OR2AJ1: variants seen among roughly 807,000 people sequenced by gnomAD.
OR2AJ1 encodes the protein olfactory receptor family 2 subfamily AJ member 1, also known as olfactory receptor 2AJ1.
For synonymous variants in OR2AJ1, 105 were observed against 60.3 expected (o/e 1.74, Z -3.44); for missense variants, 280 against 163.2 (o/e 1.72, Z -3.90).
chr1:247,925,836 A>G (rs1177053801), intron 1 of OR2AJ1, among the ~76,000 whole-genome samples: 1 of 152,238 alleles, frequency 6.6e-6, no homozygotes, highest in East Asian at 1.9e-4. Context: ...TTCCGCCAAT[A>G]TAAAATCTAA....
At chr1:247,925,767 A>G (rs1041626751) in intron 1 of OR2AJ1, among the ~76,000 whole-genome samples, 1 of 152,208 alleles carries the variant, frequency 6.6e-6, no homozygotes, top group African/African-American at 2.4e-5. Context: ...TTTCTATCCT[A>G]TAAAAGCGGG....
chr1:247,928,449 AG>A (rs1171758444), intron 1 of OR2AJ1, among the ~76,000 whole-genome samples: 6 of 152,090 alleles, frequency 3.9e-5, no homozygotes, highest in Non-Finnish European at 7.3e-5. Context: ...TCAATTTTGC[AG>A]GGTGTTTTTT....
At position 247,934,523 on chromosome 1, in the gene OR2AJ1, A is replaced by G; in HGVS notation, c.755A>G (p.Tyr252Cys). ...CACATGATTGTGGTCACGATGTACT[A>G]TGGGCCATTTATTTTTACATATATG... ...SFHMIVVTMY[Y>C]GPFIFTYMRP... Residue 252 changes from tyrosine to cysteine, a missense_variant, in exon 2 of 2, where the codon TAT becomes TGT. Coordinates refer to ENST00000318244, the MANE Select transcript of OR2AJ1 (RefSeq NM_001355235.2). 1 of 717,484 alleles carries G rather than the reference A, an allele frequency of 1.4e-6. No homozygotes were observed. The highest frequency in any genetic ancestry group is 2.6e-6 in the Non-Finnish European group (1 of 385,080). The allele number at this position is 717,484 out of a possible 1,614,324, so 44.4% of individuals were successfully genotyped here.
chr1:247,927,482 C>G (rs1660104696), intron 1 of OR2AJ1, among the ~76,000 whole-genome samples: 1 of 41,678 alleles, frequency 2.4e-5, no homozygotes, highest in African/African-American at 6.1e-5. Flanking sequence ...TATTAATCAC[C>G]TTAAACATTT....
chr1:247,932,359 C>A (rs2103006658), intron 1 of OR2AJ1, among the ~76,000 whole-genome samples: 1 of 152,124 alleles, frequency 6.6e-6, no homozygotes, highest in Admixed American at 6.6e-5. Flanking sequence ...CAAAACAAAA[C>A]AACAACATAA....
intron 1 of OR2AJ1, among the ~76,000 whole-genome samples, chr1:247,932,846 T>C (rs1355965082): frequency 1.3e-5 from 2 of 152,144 alleles, no homozygotes; most frequent in Non-Finnish European, 2.9e-5. Flanking sequence ...ACTATCAAAA[T>C]ATAAATAAAT....
chr1:247,931,139 T>C (rs1425985861), intron 1 of OR2AJ1, among the ~76,000 whole-genome samples: 1 of 152,174 alleles, frequency 6.6e-6, no homozygotes, highest in Non-Finnish European at 1.5e-5. Context: ...GAGGAGAGCA[T>C]GTTCTCTGAT....
chr1:247,930,392 G>A (rs543421549), intron 1 of OR2AJ1, among the ~76,000 whole-genome samples: 1 of 152,062 alleles, frequency 6.6e-6, no homozygotes, highest in Admixed American at 6.5e-5. Flanking sequence ...ATGAATATGT[G>A]GTGTGTTTTA....
intron 1 of OR2AJ1, among the ~76,000 whole-genome samples, chr1:247,932,388 T>A (rs1430526360): frequency 6.6e-6 from 1 of 152,136 alleles, no homozygotes; most frequent in Non-Finnish European, 1.5e-5. Context: ...CAGGACTAAT[T>A]ACACATACAT....
rs192688497 is a variant in OR2AJ1, at chr1:247,930,906, C to G, written c.-22-2841C>G. On this transcript the variant is annotated intron_variant, in intron 1 of 1. Transcript: ENST00000318244. Reference sequence around the variant, plus strand: ...CTGGTGTCACTCTATATTTCTTTCTCTATAATCATGACCTGCGTTTCTTCA... The same window carrying G: ...CTGGTGTCACTCTATATTTCTTTCTGTATAATCATGACCTGCGTTTCTTCA... 2.6e-3 allele frequency among the ~76,000 whole-genome samples: 395 copies of G among 152,284 alleles called. 4 individuals are homozygous for G. Among genetic ancestry groups the G allele is most frequent in the Middle Eastern group, 3.4e-3 (1 of 294 alleles).
chr1:247,929,584 TC>T (rs950677733), intron 1 of OR2AJ1, among the ~76,000 whole-genome samples: 2 of 126,392 alleles, frequency 1.6e-5, no homozygotes, highest in African/African-American at 5.5e-5. Flanking sequence ...CAGGCTCTAT[TC>T]CCCCCCTTCA....
At chr1:247,928,739 T>C (rs1171319927) in intron 1 of OR2AJ1, among the ~76,000 whole-genome samples, 4 of 152,188 alleles carry the variant, frequency 2.6e-5, no homozygotes, top group Non-Finnish European at 4.4e-5. Context: ...CCTTGAGTTT[T>C]GTCCCTATGA....
At chr1:247,932,365 C>A (rs1328206451) in intron 1 of OR2AJ1, among the ~76,000 whole-genome samples, 1 of 152,006 alleles carries the variant, frequency 6.6e-6, no homozygotes, top group Non-Finnish European at 1.5e-5. Flanking sequence ...AAAACAACAA[C>A]ATAAAAAACA....
intron 1 of OR2AJ1, among the ~76,000 whole-genome samples, chr1:247,928,800 A>G (rs1339567748): frequency 6.6e-6 from 1 of 152,150 alleles, no homozygotes; most frequent in Admixed American, 6.5e-5. Flanking sequence ...CCATATGCTA[A>G]AGAAACAGGA....
chr1:247,925,889 A>G (rs374662778), intron 1 of OR2AJ1, among the ~76,000 whole-genome samples: 21 of 152,236 alleles, frequency 1.4e-4, no homozygotes, highest in East Asian at 1.3e-3. Flanking sequence ...AGACTACTGT[A>G]CTAGGTTTTC....
chr1:247,926,438 C>A (rs1175690086), intron 1 of OR2AJ1, among the ~76,000 whole-genome samples: 1 of 151,992 alleles, frequency 6.6e-6, no homozygotes, highest in African/African-American at 2.4e-5. Context: ...TGTTATATAC[C>A]CCTTATTTTG....
In OR2AJ1 at chr1:247,927,737, G is replaced by GT. The variant is rs1193429202; in HGVS notation, c.-23+2575dup. 2.0e-5 allele frequency among the ~76,000 whole-genome samples: 3 copies of GT among 152,110 alleles called. No individual in the cohort carries two copies. The East Asian group carries it at 5.8e-4, about 29-fold the overall frequency. On this transcript the variant is annotated intron_variant, in intron 1 of 1. Transcript: ENST00000318244. ...CTACTCTCTACCTCTATGAGATCAG[G>GT]TTTTTTAACCTTCTGTATATGAATG...
intron 1 of OR2AJ1, among the ~76,000 whole-genome samples, chr1:247,931,623 A>G (rs1660153594): frequency 6.6e-6 from 1 of 152,260 alleles, no homozygotes; most frequent in African/African-American, 2.4e-5. Flanking sequence ...ATTATTGCGT[A>G]GATGATATGA....
rs1014770073 is a variant in OR2AJ1, at chr1:247,934,218, C to T, written c.450C>T (p.Leu150=). ...ASALMAGGSW[L]IGVFNSTVHT... Reference sequence around the variant, plus strand: ...CTCTCATGGCTGGAGGCTCCTGGCTCATTGGGGTTTTCAACTCCACAGTCC... The same window carrying T: ...CTCTCATGGCTGGAGGCTCCTGGCTTATTGGGGTTTTCAACTCCACAGTCC... Residue 150 remains leucine, a synonymous_variant, in exon 2 of 2, where the codon CTC becomes CTT. Transcript: ENST00000318244. The T allele has an allele frequency of 7.0e-6, 5 of 718,872 alleles. No homozygotes were observed. Among genetic ancestry groups the T allele is most frequent in the South Asian group, 1.5e-5 (1 of 67,708 alleles). The allele number at this position is 718,872 out of a possible 1,614,324, so 44.5% of individuals were successfully genotyped here. A position where few individuals can be genotyped will look rare whatever the true frequency, so the allele number is the denominator to read the frequency against.
Sources: gnomAD v4.1 joint callset for allele counts (sites outside exome capture counted in the v4.1 genomes callset) on GRCh38, gnomAD v4.1.1 for gene constraint, MANE v1.5 for transcripts, NCBI Gene and HGNC (gene_info 2026-07-23, HGNC 2026-07-21) for gene names.